LRBA: variants seen among roughly 807,000 people sequenced by gnomAD.
LRBA encodes the protein LPS responsive beige-like anchor protein.
Under a neutral mutation model 330.0 loss-of-function variants are expected in LRBA, and 176 were observed. The ratio of observed to expected loss-of-function variants is 0.53; its 90% CI spans 0.47 to 0.60. The LOEUF (loss-of-function observed/expected upper bound fraction) is 0.60, where lower values mean the gene tolerates loss of function less well. LRBA is among the 20% of genes least tolerant of loss of function. The pLI is 0.00. For missense variants in LRBA, 3,259 were observed against 3,444.8 expected, an observed-to-expected ratio of 0.95 and a Z score of 1.35; for synonymous variants, 1,230 against 1,193.0, an observed-to-expected ratio of 1.03 and a Z score of -0.64.
At chr4:150,644,080 T>C (rs939637850) in intron 37 of LRBA, among the ~76,000 whole-genome samples, 1 of 151,922 alleles carries the variant, frequency 6.6e-6, no homozygotes, top group Admixed American at 6.6e-5. Flanking sequence ...CCCATGGTAT[T>C]AAAACATAAA....
chr4:150,880,462 G>A (rs966148309), intron 17 of LRBA, among the ~76,000 whole-genome samples: 2 of 150,588 alleles, frequency 1.3e-5, no homozygotes, highest in Non-Finnish European at 2.9e-5. Context: ...AGAGGCTGTA[G>A]TGAGCTGTGA....
At chr4:150,623,159 TAGA>T (rs1372753415) in intron 37 of LRBA, among the ~76,000 whole-genome samples, 1 of 152,216 alleles carries the variant, frequency 6.6e-6, no homozygotes, top group Non-Finnish European at 1.5e-5. Flanking sequence ...GCACTGCTGG[TAGA>T]AGACCATTAC....
chr4:150,852,703 A>G lies in LRBA; in HGVS notation c.3007T>C (p.Ser1003Pro). 7 of 1,613,976 alleles carry G rather than the reference A, an allele frequency of 4.3e-6. No homozygotes were observed. The highest frequency in any genetic ancestry group is 5.9e-6 in the Non-Finnish European group (7 of 1,179,902). ...GTTTGCAGTTCAATATTAGATGCAG[A>G]TTCTAGTGAACTTGTCTTCTCTATA... is the stretch of plus-strand genomic sequence containing the variant. ...SSIEKTSSLESASNIELQTTN... is the reference protein window; with the variant it reads ...SSIEKTSSLEPASNIELQTTN... The change falls in exon 23 of 57, where the codon TCT becomes CCT. Residue 1003 changes from serine to proline, a missense_variant. By Grantham distance (74) the Ser-to-Pro change is moderately conservative. Coordinates refer to ENST00000651943, the MANE Select transcript of LRBA (RefSeq NM_001364905.1).
intron 44 of LRBA, among the ~76,000 whole-genome samples, chr4:150,462,280 C>T (rs1029066516): frequency 1.3e-5 from 2 of 151,644 alleles, no homozygotes; most frequent in Non-Finnish European, 3.0e-5. Context: ...AAATTGATTC[C>T]TATTTTTTTC....
chr4:150,545,285 A>G (rs374150082), intron 40 of LRBA, among the ~76,000 whole-genome samples: 16 of 152,214 alleles, frequency 1.1e-4, no homozygotes, highest in African/African-American at 3.6e-4. Flanking sequence ...AATAAATACA[A>G]AAGTTTAACC....
intron 2 of LRBA, among the ~76,000 whole-genome samples, chr4:150,946,113 A>G (rs1440707522): frequency 6.6e-6 from 1 of 152,202 alleles, no homozygotes; most frequent in Non-Finnish European, 1.5e-5. Context: ...ATTTCTTATT[A>G]TAAGAATAAA....
chr4:150,988,983 A>G (rs181337423), intron 2 of LRBA, among the ~76,000 whole-genome samples: 5 of 151,978 alleles, frequency 3.3e-5, no homozygotes, highest in East Asian at 1.9e-4. Context: ...TTAAGTGCCT[A>G]TAAAGTGTTT....
At chr4:150,927,211 A>G (rs1224643272) in intron 4 of LRBA, among the ~76,000 whole-genome samples, 1 of 151,976 alleles carries the variant, frequency 6.6e-6, no homozygotes, top group Non-Finnish European at 1.5e-5. Flanking sequence ...CGTCTCTACT[A>G]AAAATACAAA....
At chr4:150,892,270 T>C (rs1447318604) in intron 17 of LRBA, among the ~76,000 whole-genome samples, 1 of 152,254 alleles carries the variant, frequency 6.6e-6, no homozygotes, top group Admixed American at 6.5e-5. Flanking sequence ...TGTTGATGAC[T>C]GTAATGGACC....
chr4:150,309,583 T>C (rs951146230), intron 52 of LRBA, among the ~76,000 whole-genome samples: 2 of 152,206 alleles, frequency 1.3e-5, no homozygotes, highest in African/African-American at 4.8e-5. Context: ...ATTTCTTACA[T>C]GCAAAAATTT....
At chr4:151,000,091 T>C (rs558007768) in intron 2 of LRBA, among the ~76,000 whole-genome samples, 1 of 152,312 alleles carries the variant, frequency 6.6e-6, no homozygotes, top group African/African-American at 2.4e-5. Context: ...AATACACAGT[T>C]TCCAATTTTT....
At chr4:150,645,615 T>G (rs1260765270) in intron 37 of LRBA, among the ~76,000 whole-genome samples, 1 of 151,916 alleles carries the variant, frequency 6.6e-6, no homozygotes, top group Non-Finnish European at 1.5e-5. Flanking sequence ...CAATTGCAAC[T>G]AATTAACCTA....
chr4:150,267,909 A>T (rs1026465979), intron 56 of LRBA, among the ~76,000 whole-genome samples: 4 of 151,930 alleles, frequency 2.6e-5, no homozygotes, highest in Non-Finnish European at 4.4e-5. Context: ...AAAATACAAA[A>T]ATTAACTGGG....
chr4:150,727,658 T>C (rs949653292), intron 36 of LRBA, among the ~76,000 whole-genome samples: 10 of 152,072 alleles, frequency 6.6e-5, no homozygotes, highest in Non-Finnish European at 1.2e-4. Flanking sequence ...GAAAAACTTC[T>C]TCAAACAAAT....
intron 47 of LRBA, among the ~76,000 whole-genome samples, chr4:150,402,116 C>T (rs1377319911): frequency 1.4e-5 from 2 of 146,574 alleles, no homozygotes; most frequent in East Asian, 4.0e-4. Flanking sequence ...CGGTGAAATG[C>T]CATCTCTACT....
chr4:150,280,871 G>T (rs1010612922), intron 55 of LRBA, among the ~76,000 whole-genome samples: 2 of 152,226 alleles, frequency 1.3e-5, no homozygotes, highest in Non-Finnish European at 2.9e-5. Flanking sequence ...TTTTAGGCAA[G>T]CTCGCTTTAA....
At chr4:150,586,028 T>C (rs1772073583) in intron 40 of LRBA, among the ~76,000 whole-genome samples, 1 of 152,194 alleles carries the variant, frequency 6.6e-6, no homozygotes, top group Admixed American at 6.5e-5. Flanking sequence ...CAACCTCTAT[T>C]ATATCTATTT....
chr4:150,894,291 C>T (rs565408062), intron 16 of LRBA, among the ~76,000 whole-genome samples: 16 of 152,120 alleles, frequency 1.1e-4, no homozygotes, highest in African/African-American at 3.6e-4. Context: ...TAAAAGAACA[C>T]TTTGTGGGAA....
intron 37 of LRBA, among the ~76,000 whole-genome samples, chr4:150,670,291 C>T (rs1237420033): frequency 6.6e-6 from 1 of 152,018 alleles, no homozygotes; most frequent in African/African-American, 2.4e-5. Context: ...TGTCTCTTAC[C>T]TCCCATTTAT....
Sources: gnomAD v4.1 joint callset for allele counts (sites outside exome capture counted in the v4.1 genomes callset) on GRCh38, gnomAD v4.1.1 for gene constraint, MANE v1.5 for transcripts, NCBI Gene and HGNC (gene_info 2026-07-23, HGNC 2026-07-21) for gene names.